The following MOGAT1 variants were observed in gnomAD, a reference collection of about 807,000 sequenced individuals.
The protein encoded by MOGAT1 is monoacylglycerol O-acyltransferase 1, also known as 2-acylglycerol O-acyltransferase 1.
Under a neutral mutation model 31.4 loss-of-function variants are expected in MOGAT1, and 32 were observed. The ratio of observed to expected loss-of-function variants is 1.02; its 90% confidence interval spans 0.77 to 1.37. MOGAT1 has a LOEUF of 1.37. Ranked by LOEUF, MOGAT1 falls within the 40% of genes most tolerant of loss-of-function variation. MOGAT1 has a pLI of 0.00. For missense variants in MOGAT1, 426 were observed against 402.0 expected (o/e 1.06, Z -0.51); for synonymous variants, 145 against 144.5 (o/e 1.00, Z -0.03).
In MOGAT1 at chr2:222,701,299, G is replaced by GAGAGAGAGAGAGAGAGA. The variant is rs71053101; in HGVS notation, c.853+6011_853+6012insAGAGAGAGAGAGAGAGA. Among the ~76,000 whole-genome samples, 16 of 90,548 alleles carry GAGAGAGAGAGAGAGAGA rather than the reference G, an allele frequency of 1.8e-4. 1 individual carries two copies. The highest frequency in any genetic ancestry group is 3.6e-4 in the African/African-American group (8 of 22,438). 59.4% of individuals were successfully genotyped at this position (90,548 alleles called of 152,430 possible). A position where few individuals can be genotyped will look rare whatever the true frequency, so the allele number is the denominator to read the frequency against. ...AAGAGAGAGAGAGAGAGGAGGAGGAGGAGAGAGAGAGAGAGAGAGAGAGAG... is the reference window on the plus strand; with the variant it reads ...AAGAGAGAGAGAGAGAGGAGGAGGAGAGAGAGAGAGAGAGAGAGAGAGAGAGAGAGAGAGAGAGAGAG... On this transcript the variant is annotated intron_variant, in intron 5 of 5. Coordinates refer to ENST00000446656, the MANE Select transcript of MOGAT1 (RefSeq NM_058165.3).
intron 1 of MOGAT1, among the ~76,000 whole-genome samples, chr2:222,687,134 AAAAAAGAAAGAACAAG>A (rs34132616): frequency 0.12 from 10,952 of 87,918 alleles, 1,243 homozygotes; most frequent in East Asian, 0.24. Context: ...AAAAAAAAAA[AAAAAAGAAAGAACAAG>A]AAAGAAAGAA....
Position 222,688,364 on chromosome 2 carries a change from A to C in MOGAT1, c.115A>C (p.Thr39Pro). ...TACAGGGCCGATGTCCATTGGAATC[A>C]CTGTGATGCTGATCATACACAACTA... ...LLLGPMSIGI[T>P]VMLIIHNYLF... Residue 39 changes from threonine (T) to proline (P), a missense_variant, in exon 2 of 6, where the codon ACT (threonine) becomes CCT (proline). By Grantham distance (38) the Thr-to-Pro change is conservative. Coordinates refer to ENST00000446656, the MANE Select transcript of MOGAT1 (RefSeq NM_058165.3). 6.2e-7 allele frequency: 1 copy of C among 1,610,184 alleles called. No individual in the cohort carries two copies.
intron 1 of MOGAT1, among the ~76,000 whole-genome samples, chr2:222,675,281 C>G (rs1259651995): frequency 1.3e-5 from 2 of 152,140 alleles, no homozygotes; most frequent in Non-Finnish European, 2.9e-5. Flanking sequence ...TTGCTGTGCA[C>G]TTCATGTTAC....
At chr2:222,707,515 C>T (rs1268871820) in intron 5 of MOGAT1, among the ~76,000 whole-genome samples, 1 of 152,096 alleles carries the variant, frequency 6.6e-6, no homozygotes, top group Non-Finnish European at 1.5e-5. Flanking sequence ...TGAGCTGGGA[C>T]TAGACCCAGC....
chr2:222,688,252 A>T (rs949509921), intron 1 of MOGAT1, 92 bp from the exon 2 acceptor site: 2 of 928,432 alleles, frequency 2.2e-6, no homozygotes, highest in Non-Finnish European at 3.1e-6. Context: ...TCAGTTTGAC[A>T]TATCTTATAT....
chr2:222,706,201 G>A (rs1023682934), intron 5 of MOGAT1, among the ~76,000 whole-genome samples: 35 of 152,280 alleles, frequency 2.3e-4, no homozygotes, highest in Middle Eastern at 6.8e-3. Context: ...GGCTGGGCGT[G>A]GTGGCTCACG....
chr2:222,689,203 C>A (rs1692722473), intron 2 of MOGAT1, 62 bp from the exon 3 acceptor site: 1 of 1,376,898 alleles, frequency 7.3e-7, no homozygotes, highest in African/African-American at 1.5e-5. Flanking sequence ...CCTTTTGTTT[C>A]TCATTGGAAA....
intron 4 of MOGAT1, 105 bp from the exon 5 acceptor site, chr2:222,694,984 C>A: frequency 1.3e-6 from 1 of 796,550 alleles, no homozygotes; most frequent in Non-Finnish European, 1.9e-6. Context: ...GGCTTGGGCA[C>A]ATTTAAAAAA....
chr2:222,682,667 G>A (rs919732045), intron 1 of MOGAT1, among the ~76,000 whole-genome samples: 1 of 152,176 alleles, frequency 6.6e-6, no homozygotes, highest in Admixed American at 6.5e-5. Flanking sequence ...GCCAAAGGTG[G>A]GAGCAACCCA....
At chr2:222,699,564 T>C (rs983257941) in intron 5 of MOGAT1, 1 of 132,264 alleles carries the variant, frequency 7.6e-6, no homozygotes, top group African/African-American at 2.9e-5. Context: ...TGGCACAATC[T>C]CTGCTCACTG....
intron 5 of MOGAT1, among the ~76,000 whole-genome samples, chr2:222,704,268 T>A (rs903060506): frequency 1.3e-5 from 2 of 152,130 alleles, no homozygotes; most frequent in Non-Finnish European, 2.9e-5. Context: ...TTCTCCTTAG[T>A]ACTAAAAAGA....
chr2:222,684,281 G>C (rs940757631), intron 1 of MOGAT1, among the ~76,000 whole-genome samples: 2 of 151,954 alleles, frequency 1.3e-5, no homozygotes, highest in African/African-American at 4.8e-5. Context: ...GCACATGCCT[G>C]TAATCCCAGC....
At chr2:222,701,061 C>T (rs939115771) in intron 5 of MOGAT1, among the ~76,000 whole-genome samples, 1 of 152,200 alleles carries the variant, frequency 6.6e-6, no homozygotes, top group Admixed American at 6.5e-5. Flanking sequence ...GCTAAATCCT[C>T]TCACAGGTGT....
intron 1 of MOGAT1, among the ~76,000 whole-genome samples, chr2:222,674,951 G>A (rs760647050): frequency 5.3e-5 from 8 of 152,202 alleles, no homozygotes; most frequent in African/African-American, 1.9e-4. Flanking sequence ...GATTACAGGC[G>A]CTAGCCACTG....
intron 1 of MOGAT1, among the ~76,000 whole-genome samples, chr2:222,683,070 G>A (rs983990595): frequency 2.0e-5 from 3 of 152,070 alleles, no homozygotes; most frequent in African/African-American, 7.2e-5. Flanking sequence ...CAGGTATCAT[G>A]GTGTGCACCT....
intron 3 of MOGAT1, among the ~76,000 whole-genome samples, chr2:222,694,149 G>C (rs1035182535): frequency 2.0e-5 from 3 of 152,142 alleles, no homozygotes; most frequent in Admixed American, 1.3e-4. Context: ...ACATTTTAAA[G>C]ACCTAGCCCA....
intron 5 of MOGAT1, chr2:222,699,398 G>A (rs1398372540): frequency 6.5e-6 from 1 of 153,768 alleles, no homozygotes; most frequent in African/African-American, 2.4e-5. Context: ...TTGTTGCAGA[G>A]CTCATGACAG....
At chr2:222,680,983 A>G (rs922607958) in intron 1 of MOGAT1, among the ~76,000 whole-genome samples, 1 of 152,200 alleles carries the variant, frequency 6.6e-6, no homozygotes, top group Non-Finnish European at 1.5e-5. Context: ...ATGGAGTCAG[A>G]AAGGGTAGCG....
chr2:222,703,955 A>G (rs929671536), intron 5 of MOGAT1, among the ~76,000 whole-genome samples: 6 of 152,196 alleles, frequency 3.9e-5, no homozygotes, highest in Non-Finnish European at 7.3e-5. Flanking sequence ...TAGGTACAGC[A>G]TAGCACCGTA....
Sources: allele counts gnomAD v4.1 joint callset (sites outside exome capture counted in the v4.1 genomes callset), GRCh38; gene constraint gnomAD v4.1.1; transcripts MANE v1.5; gene names NCBI Gene and HGNC (gene_info 2026-07-23, HGNC 2026-07-21).